Variants in GIPC2 observed in about 807,000 individuals in gnomAD.
GIPC2 encodes the protein GIPC PDZ domain containing family member 2.
GIPC2 carries 30 observed loss-of-function variants against 30.6 expected under a neutral mutation model. That is an observed-to-expected ratio of 0.98 (90% CI 0.73 to 1.33). The LOEUF is 1.33. Ranked by LOEUF, GIPC2 falls within the 40% of genes most tolerant of loss-of-function variation. The pLI is 0.00. For missense variants in GIPC2, 414 were observed against 390.3 expected (o/e 1.06, Z -0.51); for synonymous variants, 167 against 150.0 (o/e 1.11, Z -0.83).
In GIPC2 at chr1:78,094,968, G is replaced by C. The variant is rs781542042; in HGVS notation, c.443G>C (p.Gly148Ala). The C allele has an allele frequency of 1.9e-6, 3 of 1,591,332 alleles. No homozygotes were observed. The highest frequency in any genetic ancestry group is 2.6e-6 in the Non-Finnish European group (3 of 1,159,838). Residue 148 changes from glycine to alanine, a missense_variant, in exon 3 of 6, where the codon GGT (glycine) becomes GCT (alanine). Transcript: ENST00000370759. ...YAFIKRIKDG[G>A]VIDSVKTICV... Reference sequence around the variant, plus strand: ...TCCTTTCAGAGAATTAAAGATGGTGGTGTTATTGACTCAGTTAAAACAATC... The same window carrying C: ...TCCTTTCAGAGAATTAAAGATGGTGCTGTTATTGACTCAGTTAAAACAATC...
intron 3 of GIPC2, among the ~76,000 whole-genome samples, chr1:78,096,786 G>C (rs76571392): frequency 0.028 from 4,198 of 152,248 alleles, 160 homozygotes; most frequent in African/African-American, 0.096. Context: ...TTTCCTAATA[G>C]AGGTATATTA....
chr1:78,083,011 C>A (rs969731668), intron 2 of GIPC2, among the ~76,000 whole-genome samples: 1 of 152,096 alleles, frequency 6.6e-6, no homozygotes, highest in African/African-American at 2.4e-5. Flanking sequence ...CAAGGATATT[C>A]TCTTACATAT....
In GIPC2 at chr1:78,080,838, G is replaced by A. The variant is rs563571063; in HGVS notation, c.404G>A (p.Gly135Asp). Residue 135 changes from glycine (G) to aspartate (D), a missense_variant, in exon 2 of 6, where the codon GGT becomes GAT. Gly to Asp is a moderately conservative substitution (Grantham distance 94, BLOSUM62 -1). Transcript: ENST00000370759. ...CTTGGTCTCACCATTACAGATAATGGTGTTGGCTATGCTTTTATAAAGGTA... is the reference window on the plus strand; with the variant it reads ...CTTGGTCTCACCATTACAGATAATGATGTTGGCTATGCTTTTATAAAGGTA... Reference protein sequence around the residue: ...DSLGLTITDNGVGYAFIKRIK... With the variant: ...DSLGLTITDNDVGYAFIKRIK... 6.9e-6 allele frequency: 11 copies of A among 1,598,298 alleles called. No homozygotes were observed. In the African/African-American group the frequency reaches 1.3e-4, roughly 20 times the overall value.
At chr1:78,115,469 A>G (rs1438223185) in intron 3 of GIPC2, among the ~76,000 whole-genome samples, 2 of 152,194 alleles carry the variant, frequency 1.3e-5, no homozygotes, top group Admixed American at 1.3e-4. Flanking sequence ...AGACGAAGCT[A>G]TCTTCACCAC....
chr1:78,101,729 G>T (rs1662253576), intron 3 of GIPC2, among the ~76,000 whole-genome samples: 1 of 152,138 alleles, frequency 6.6e-6, no homozygotes, highest in African/African-American at 2.4e-5. Flanking sequence ...TCAAGTATCG[G>T]CTGGAATGTC....
chr1:78,080,646 T>G, intron 1 of GIPC2, 29 bp from the exon 2 acceptor site: 2 of 1,356,166 alleles, frequency 1.5e-6, no homozygotes, highest in Non-Finnish European at 2.1e-6. Flanking sequence ...CAAGTGGAAA[T>G]GGACCTGACA....
At chr1:78,129,844 C>A (rs1293270664) in intron 5 of GIPC2, among the ~76,000 whole-genome samples, 1 of 152,032 alleles carries the variant, frequency 6.6e-6, no homozygotes, top group Non-Finnish European at 1.5e-5. Flanking sequence ...TCTGATGATA[C>A]CAATTTAGGA....
chr1:78,088,607 G>A (rs555168061), intron 2 of GIPC2, among the ~76,000 whole-genome samples: 5 of 152,282 alleles, frequency 3.3e-5, no homozygotes, highest in African/African-American at 9.6e-5. Flanking sequence ...CTTGACCCCA[G>A]TCATAGTGAG....
Position 78,125,933 on chromosome 1 carries a change from T to C in GIPC2, c.767T>C (p.Leu256Ser), listed in dbSNP as rs1662773290. ...AIEKIDDVLELYMGIRDIDLA... is the reference protein window; with the variant it reads ...AIEKIDDVLESYMGIRDIDLA... ...GAAAAGATTGATGATGTTCTTGAGT[T>C]GTACATGGGAATTCGAGATATTGAT... Residue 256 changes from leucine (L) to serine (S), a missense_variant, in exon 5 of 6, where the codon TTG (leucine) becomes TCG (serine). Coordinates refer to ENST00000370759, the MANE Select transcript of GIPC2 (RefSeq NM_017655.6). 1 of 1,577,410 alleles carries C rather than the reference T, an allele frequency of 6.3e-7. No individual in the cohort carries two copies. The highest frequency in any genetic ancestry group is 8.7e-7 in the Non-Finnish European group (1 of 1,146,926).
intron 1 of GIPC2, among the ~76,000 whole-genome samples, chr1:78,068,250 T>G (rs1240604038): frequency 6.6e-6 from 1 of 152,218 alleles, no homozygotes; most frequent in Non-Finnish European, 1.5e-5. Flanking sequence ...TTTCCCCCAC[T>G]GAACATTTAG....
intron 1 of GIPC2, among the ~76,000 whole-genome samples, chr1:78,055,271 C>CCCAGTCA (rs1248630141): frequency 1.3e-5 from 2 of 152,140 alleles, no homozygotes; most frequent in African/African-American, 4.8e-5. Flanking sequence ...GACCCAGTCA[C>CCCAGTCA]CTCCCAAAGA....
chr1:78,048,095 T>C (rs1488443759), intron 1 of GIPC2, among the ~76,000 whole-genome samples: 1 of 152,236 alleles, frequency 6.6e-6, no homozygotes, highest in African/African-American at 2.4e-5. Flanking sequence ...TTTTCCACTT[T>C]ATGGGTTTAT....
intron 3 of GIPC2, among the ~76,000 whole-genome samples, chr1:78,098,981 G>A (rs1662191605): frequency 6.6e-6 from 1 of 152,122 alleles, no homozygotes; most frequent in Non-Finnish European, 1.5e-5. Context: ...TGTTATGGCA[G>A]CACTAGGAAA....
intron 1 of GIPC2, among the ~76,000 whole-genome samples, chr1:78,067,373 G>T (rs1332361947): frequency 6.6e-6 from 1 of 152,092 alleles, no homozygotes; most frequent in Admixed American, 6.6e-5. Context: ...TGGTACAATG[G>T]TTCAATAAAT....
intron 3 of GIPC2, among the ~76,000 whole-genome samples, chr1:78,095,439 T>G (rs1662120789): frequency 6.6e-6 from 1 of 152,226 alleles, no homozygotes; most frequent in African/African-American, 2.4e-5. Flanking sequence ...TTGTATTGTT[T>G]TCATTTTGCT....
intron 1 of GIPC2, among the ~76,000 whole-genome samples, chr1:78,072,562 T>C (rs1661640554): frequency 6.6e-6 from 1 of 152,128 alleles, no homozygotes; most frequent in Non-Finnish European, 1.5e-5. Flanking sequence ...TTTTTTTTTC[T>C]CCCCCATAAT....
At chr1:78,133,024 A>G (rs1377425868) in intron 5 of GIPC2, among the ~76,000 whole-genome samples, 1 of 151,982 alleles carries the variant, frequency 6.6e-6, no homozygotes, top group Non-Finnish European at 1.5e-5. Context: ...CATTCTGGCT[A>G]CTCTTCTTTT....
At chr1:78,124,387 T>C (rs1202280817) in intron 4 of GIPC2, among the ~76,000 whole-genome samples, 1 of 152,200 alleles carries the variant, frequency 6.6e-6, no homozygotes, top group African/African-American at 2.4e-5. Context: ...ATACAATATA[T>C]TAATATGGTA....
intron 2 of GIPC2, chr1:78,091,802 A>G (rs485005): frequency 0.24 from 184,715 of 776,508 alleles, 24,172 homozygotes; most frequent in East Asian, 0.48. Flanking sequence ...AGAAGTGACT[A>G]GAAAACTTTC....
Sources: gnomAD v4.1 joint callset for allele counts (sites outside exome capture counted in the v4.1 genomes callset) on GRCh38, gnomAD v4.1.1 for gene constraint, MANE v1.5 for transcripts, NCBI Gene and HGNC (gene_info 2026-07-23, HGNC 2026-07-21) for gene names.